PHLDB2: variants seen among roughly 807,000 people sequenced by gnomAD.
The protein encoded by PHLDB2 is pleckstrin homology like domain family B member 2, also known as pleckstrin homology-like domain family B member 2.
Under a neutral mutation model 123.6 loss-of-function variants are expected in PHLDB2, and 71 were observed. That is an observed-to-expected ratio of 0.57 (90% CI 0.47 to 0.70). The LOEUF is 0.70. PHLDB2 is among the 30% of genes least tolerant of loss of function. The pLI is 0.00. For synonymous variants in PHLDB2, 547 were observed against 541.6 expected (o/e 1.01, Z -0.14); for missense variants, 1,446 against 1,519.5 (o/e 0.95, Z 0.80).
chr3:111,835,934 G>A (rs1258493834), intron 1 of PHLDB2, among the ~76,000 whole-genome samples: 1 of 152,122 alleles, frequency 6.6e-6, no homozygotes, highest in Non-Finnish European at 1.5e-5. Context: ...ACTTCCACTA[G>A]TATTTACAGG....
At chr3:111,828,322 T>G (rs939044550) in intron 1 of PHLDB2, among the ~76,000 whole-genome samples, 12 of 152,162 alleles carry the variant, frequency 7.9e-5, no homozygotes, top group Non-Finnish European at 1.3e-4. Context: ...GTGCACTGAT[T>G]GATTTAGATG....
At chr3:111,934,121 T>G (rs1213296460) in intron 6 of PHLDB2, among the ~76,000 whole-genome samples, 1 of 152,208 alleles carries the variant, frequency 6.6e-6, no homozygotes, top group Non-Finnish European at 1.5e-5. Context: ...AGAGACTTCT[T>G]CCCTTTCCTC....
intron 6 of PHLDB2, among the ~76,000 whole-genome samples, chr3:111,932,920 C>T (rs1420160248): frequency 2.6e-5 from 4 of 152,184 alleles, no homozygotes; most frequent in African/African-American, 9.7e-5. Context: ...ACACCAAGAC[C>T]CAAGATGCAG....
chr3:111,850,366 TG>T (rs2064197994), intron 2 of PHLDB2, among the ~76,000 whole-genome samples: 1 of 152,162 alleles, frequency 6.6e-6, no homozygotes. Context: ...ACTTGCATGA[TG>T]GGTGCACTAA....
chr3:111,838,487 A>C (rs1359899780), intron 1 of PHLDB2, among the ~76,000 whole-genome samples: 3 of 152,210 alleles, frequency 2.0e-5, no homozygotes, highest in African/African-American at 4.8e-5. Context: ...TCAAACCAGC[A>C]CAGCATGGAA....
intron 1 of PHLDB2, among the ~76,000 whole-genome samples, chr3:111,866,930 G>GGTGTGTGTGTGTGTGTGTGTGTGT (rs3082321): frequency 2.4e-5 from 3 of 126,004 alleles, no homozygotes; most frequent in Non-Finnish European, 5.1e-5. Flanking sequence ...GTTTCTAAGG[G>GGTGTGTGTGTGTGTGTGTGTGTGT]GTGTGTGTGT....
intron 3 of PHLDB2, chr3:111,913,993 G>T: frequency 2.8e-6 from 1 of 360,626 alleles, no homozygotes; most frequent in Non-Finnish European, 5.0e-6. Context: ...GTGTAAAACT[G>T]GTGCTAAAAT....
intron 1 of PHLDB2, among the ~76,000 whole-genome samples, chr3:111,815,579 G>A (rs1438508319): frequency 6.6e-6 from 1 of 152,186 alleles, no homozygotes; most frequent in African/African-American, 2.4e-5. Flanking sequence ...TTCAACTTGA[G>A]AGAGATTATT....
intron 1 of PHLDB2, among the ~76,000 whole-genome samples, chr3:111,865,293 T>C (rs1368288857): frequency 6.6e-6 from 1 of 152,238 alleles, no homozygotes; most frequent in African/African-American, 2.4e-5. Flanking sequence ...ACCCATATTA[T>C]ATTACATTAC....
chr3:111,855,629 C>CATTTT (rs2064456689), upstream of PHLDB2, among the ~76,000 whole-genome samples: 1 of 79,850 alleles, frequency 1.3e-5, no homozygotes, highest in Admixed American at 1.8e-4. Flanking sequence ...CTGCATTTGT[C>CATTTT]TTTTTTTTTT....
chr3:111,929,883 G>A (rs1351638558), intron 5 of PHLDB2, among the ~76,000 whole-genome samples: 1 of 151,542 alleles, frequency 6.6e-6, no homozygotes, highest in African/African-American at 2.4e-5. Flanking sequence ...TGAGCACCTC[G>A]GAAGTAAGGC....
chr3:111,827,475 A>G (rs1455863338), intron 1 of PHLDB2, among the ~76,000 whole-genome samples: 1 of 152,178 alleles, frequency 6.6e-6, no homozygotes, highest in African/African-American at 2.4e-5. Flanking sequence ...GGAGATAGAT[A>G]CCATCCTAGC....
At chr3:111,793,595 G>C (rs1436283382) in intron 1 of PHLDB2, among the ~76,000 whole-genome samples, 1 of 151,938 alleles carries the variant, frequency 6.6e-6, no homozygotes, top group Admixed American at 6.6e-5. Flanking sequence ...CCTCCCCATA[G>C]CCGCCACAGC....
At chr3:111,968,237 C>T (rs969647339) in intron 15 of PHLDB2, among the ~76,000 whole-genome samples, 1 of 152,110 alleles carries the variant, frequency 6.6e-6, no homozygotes, top group East Asian at 1.9e-4. Flanking sequence ...TCCTACTAAG[C>T]CATCTTTTAC....
intron 1 of PHLDB2, among the ~76,000 whole-genome samples, chr3:111,882,391 G>T (rs552164663): frequency 6.6e-6 from 1 of 152,246 alleles, no homozygotes; most frequent in Admixed American, 6.5e-5. Flanking sequence ...CTCAATCCAG[G>T]CTGGTGTTGC....
At chr3:111,846,472 A>G (rs1005336284) in intron 2 of PHLDB2, 1 of 152,832 alleles carries the variant, frequency 6.5e-6, no homozygotes, top group African/African-American at 2.4e-5. Context: ...ATTTTTTATT[A>G]TGCCTCAGAT....
rs371213542 is a variant in PHLDB2, at chr3:111,952,642, G to A, written c.2702G>A (p.Arg901Gln). Residue 901 changes from arginine (R) to glutamine (Q), a missense_variant, in exon 11 of 18, where the codon CGA becomes CAA. Around this residue, in one of 3 missense-constraint regions of PHLDB2, gnomAD observed 594 missense variants for 646.0 expected, o/e 0.92. Coordinates refer to ENST00000431670, the MANE Select transcript of PHLDB2 (RefSeq NM_001134438.2). Reference protein sequence around the residue: ...EGLYLSDTLPRKKTTSSISPH... With the variant: ...EGLYLSDTLPQKKTTSSISPH... The stretch of plus-strand genomic sequence containing the variant: ...CTCTATCTGAGTGATACTTTGCCTC[G>A]AAAGAAAACCACATCTTCCATCTCC... 35 of 1,613,746 alleles carry A rather than the reference G, an allele frequency of 2.2e-5. No homozygotes were observed. The highest frequency in any genetic ancestry group is 2.9e-5 in the Non-Finnish European group (34 of 1,179,882).
chr3:111,738,574 C>G (rs181748262), intron 1 of PHLDB2, among the ~76,000 whole-genome samples: 12 of 152,204 alleles, frequency 7.9e-5, no homozygotes, highest in Admixed American at 3.9e-4. Context: ...TTAAATTTAT[C>G]CAGTAGGCCA....
chr3:111,862,955 A>C (rs888200552), intron 1 of PHLDB2, among the ~76,000 whole-genome samples: 1 of 152,210 alleles, frequency 6.6e-6, no homozygotes, highest in Admixed American at 6.5e-5. Context: ...AGTTCTAGGT[A>C]CAACCCAGGA....
Sources: allele counts gnomAD v4.1 joint callset (sites outside exome capture counted in the v4.1 genomes callset), GRCh38; gene constraint gnomAD v4.1.1; regional missense constraint gnomAD v4.1.1; transcripts MANE v1.5; gene names NCBI Gene and HGNC (gene_info 2026-07-23, HGNC 2026-07-21).